Variants in CCDC149 observed in about 807,000 individuals in gnomAD.
The protein encoded by CCDC149 is coiled-coil domain containing 149, also known as coiled-coil domain-containing protein 149.
In CCDC149, 45 loss-of-function variants were observed where a neutral mutation model predicts 59.9. The observed-to-expected ratio is 0.75, with a 90% CI of 0.59 to 0.96. The LOEUF (loss-of-function observed/expected upper bound fraction) is 0.96. Ranked by LOEUF, CCDC149 falls within the 40% of genes least tolerant of loss-of-function variation. The pLI, the probability that CCDC149 is intolerant of heterozygous loss-of-function variation, is 0.00. For missense variants in CCDC149, 584 were observed against 664.7 expected, an observed-to-expected ratio of 0.88 and a Z score of 1.33; for synonymous variants, 245 against 260.6, an observed-to-expected ratio of 0.94 and a Z score of 0.58.
At chr4:24,898,443 T>C (rs1420973232) in intron 1 of CCDC149, among the ~76,000 whole-genome samples, 2 of 152,092 alleles carry the variant, frequency 1.3e-5, no homozygotes, top group Non-Finnish European at 2.9e-5. Flanking sequence ...GGCCGGGACA[T>C]TGGGCATGTT....
At chr4:24,860,125 C>T (rs1015137046) in intron 3 of CCDC149, among the ~76,000 whole-genome samples, 1 of 151,990 alleles carries the variant, frequency 6.6e-6, no homozygotes, top group Admixed American at 6.6e-5. Context: ...AAAAAGAGCC[C>T]GCATAGCCAA....
At chr4:24,805,846 G>A (rs888948928), downstream of CCDC149, among the ~76,000 whole-genome samples, 4 of 152,146 alleles carry the variant, frequency 2.6e-5, no homozygotes, top group Non-Finnish European at 5.9e-5. Flanking sequence ...CAGCCACCTC[G>A]TTATCATGAG....
intron 12 of CCDC149, among the ~76,000 whole-genome samples, chr4:24,813,504 A>ATCTATATC (rs1714788438): frequency 1.5e-5 from 2 of 134,016 alleles, no homozygotes; most frequent in African/African-American, 6.3e-5. Context: ...ATATATATAT[A>ATCTATATC]TATATATATA....
intron 1 of CCDC149, among the ~76,000 whole-genome samples, chr4:24,922,019 G>A (rs1170635170): frequency 6.6e-6 from 1 of 152,158 alleles, no homozygotes; most frequent in Non-Finnish European, 1.5e-5. Context: ...TTTGAGAGAA[G>A]GATCTGTTCC....
chr4:24,853,661 T>C (rs1391779873), intron 3 of CCDC149, among the ~76,000 whole-genome samples: 1 of 151,442 alleles, frequency 6.6e-6, no homozygotes, highest in Non-Finnish European at 1.5e-5. Flanking sequence ...TAGAGTTCAA[T>C]TGTAAAATTT....
intron 1 of CCDC149, among the ~76,000 whole-genome samples, chr4:24,953,844 G>T (rs1002551223): frequency 1.3e-5 from 2 of 152,034 alleles, no homozygotes; most frequent in Admixed American, 6.5e-5. Context: ...AGAGAGAAAA[G>T]CTAAAAAGAA....
chr4:24,821,882 GA>G (rs998613810), intron 10 of CCDC149, among the ~76,000 whole-genome samples: 1 of 151,898 alleles, frequency 6.6e-6, no homozygotes, highest in East Asian at 1.9e-4. Flanking sequence ...TGTACAACTG[GA>G]AAAAAAATCA....
At chr4:24,904,046 C>T (rs35981848) in intron 1 of CCDC149, among the ~76,000 whole-genome samples, 10,991 of 152,108 alleles carry the variant, frequency 0.072, 408 homozygotes, top group East Asian at 0.096. Flanking sequence ...GTGATCCGCC[C>T]GCCTCAGCCT....
At chr4:24,836,100 C>T (rs1002653404) in intron 7 of CCDC149, among the ~76,000 whole-genome samples, 2 of 152,116 alleles carry the variant, frequency 1.3e-5, no homozygotes, top group African/African-American at 2.4e-5. Context: ...ATAGAGAAAA[C>T]GGGTAAGAAA....
intron 4 of CCDC149, among the ~76,000 whole-genome samples, chr4:24,849,263 C>G (rs1717507005): frequency 1.3e-5 from 2 of 152,130 alleles, no homozygotes; most frequent in Non-Finnish European, 2.9e-5. Context: ...ACGTGCAAAG[C>G]TTTTCGAGGG....
intron 1 of CCDC149, among the ~76,000 whole-genome samples, chr4:24,891,716 T>G (rs938936030): frequency 6.6e-6 from 1 of 152,174 alleles, no homozygotes; most frequent in African/African-American, 2.4e-5. Context: ...CAAAGAAAAT[T>G]TGCCAGGCAC....
chr4:24,892,668 T>C (rs1490148344), intron 1 of CCDC149, among the ~76,000 whole-genome samples: 1 of 152,134 alleles, frequency 6.6e-6, no homozygotes, highest in Non-Finnish European at 1.5e-5. Context: ...GTAGGTACTA[T>C]GAGGATCCCC....
chr4:24,907,282 G>A (rs993364445), intron 1 of CCDC149, among the ~76,000 whole-genome samples: 7 of 152,174 alleles, frequency 4.6e-5, no homozygotes, highest in Admixed American at 1.3e-4. Context: ...ATTTAAAGAC[G>A]AGAAAAATGA....
chr4:24,823,465 T>C (rs1038593631), intron 9 of CCDC149, among the ~76,000 whole-genome samples: 1 of 152,254 alleles, frequency 6.6e-6, no homozygotes. Flanking sequence ...TCCATTGGGC[T>C]GGAAATTGAA....
chr4:24,883,250 T>G (rs74843173), intron 1 of CCDC149, among the ~76,000 whole-genome samples: 2,100 of 151,700 alleles, frequency 0.014, 55 homozygotes, highest in African/African-American at 0.049. Context: ...AATATCAGGG[T>G]GTATCCCCTG....
intron 1 of CCDC149, among the ~76,000 whole-genome samples, chr4:24,951,335 G>A (rs1251112931): frequency 1.3e-5 from 2 of 152,226 alleles, no homozygotes; most frequent in African/African-American, 4.8e-5. Context: ...TGGCCCTTGG[G>A]AATGTGCTTT....
chr4:24,899,118 A>C (rs964315119), intron 1 of CCDC149, among the ~76,000 whole-genome samples: 5 of 152,198 alleles, frequency 3.3e-5, no homozygotes, highest in Non-Finnish European at 2.9e-5. Context: ...AGATCTTCCT[A>C]GAAGATATTC....
chr4:24,804,704 T>C (rs1385713936), downstream of CCDC149, among the ~76,000 whole-genome samples: 1 of 152,146 alleles, frequency 6.6e-6, no homozygotes, highest in Non-Finnish European at 1.5e-5. Context: ...TCATGCCATA[T>C]CGTGAACCGG....
chr4:24,845,600 A>G (rs1243732228), intron 4 of CCDC149, among the ~76,000 whole-genome samples: 22 of 152,354 alleles, frequency 1.4e-4, no homozygotes, highest in Non-Finnish European at 2.5e-4. Context: ...TCTGTGAAAT[A>G]TGATTTATTT....
Sources: allele counts gnomAD v4.1 joint callset (sites outside exome capture counted in the v4.1 genomes callset), GRCh38; gene constraint gnomAD v4.1.1; transcripts MANE v1.5; gene names NCBI Gene and HGNC (gene_info 2026-07-23, HGNC 2026-07-21).